Variants in GALNT11 observed in about 807,000 individuals in gnomAD.
The protein encoded by GALNT11 is UDP-GalNAc:polypeptide N-acetylgalactosaminyltransferase 11.
In GALNT11, 47 loss-of-function variants were observed where a neutral mutation model predicts 72.7. The ratio of observed to expected loss-of-function variants is 0.65; its 90% CI spans 0.51 to 0.82. The LOEUF is 0.82. Among genes scored for constraint, GALNT11 ranks in the 40% least tolerant of loss-of-function variants. The pLI, the probability that GALNT11 is intolerant of heterozygous loss-of-function variation, is 0.00. For missense variants in GALNT11, 677 were observed against 778.4 expected (o/e 0.87, Z 1.55); for synonymous variants, 270 against 286.6 (o/e 0.94, Z 0.58).
intron 1 of GALNT11, among the ~76,000 whole-genome samples, chr7:152,073,991 A>T (rs1563057620): frequency 1.3e-5 from 2 of 150,688 alleles, no homozygotes; most frequent in Non-Finnish European, 3.0e-5. Flanking sequence ...TTTAAATCTG[A>T]TTTTTTTTTC....
intron 1 of GALNT11, among the ~76,000 whole-genome samples, chr7:152,059,299 A>C (rs915638116): frequency 6.7e-6 from 1 of 150,326 alleles, no homozygotes; most frequent in Non-Finnish European, 1.5e-5. Context: ...ATTGGGTCTC[A>C]CTCTGTTGTC....
intron 1 of GALNT11, among the ~76,000 whole-genome samples, chr7:152,033,838 C>T (rs369821625): frequency 6.6e-6 from 1 of 152,162 alleles, no homozygotes; most frequent in African/African-American, 2.4e-5. Context: ...TGTCATTCTG[C>T]CATTTACTTG....
chr7:152,047,611 T>TATGAG lies in GALNT11; in HGVS notation c.-39+21727_-39+21728insATGAG. ...ACTTGGGAGGCTGAGGTATGAGGAT[T>TATGAG]GCTTGAGCCCAGGAGGTTGAGGCTG... On this transcript the variant is annotated intron_variant, in intron 1 of 11. Transcript: ENST00000430044. 4.6e-5 allele frequency among the ~76,000 whole-genome samples: 7 copies of TATGAG among 152,104 alleles called. 2 individuals carry two copies. Among genetic ancestry groups the TATGAG allele is most frequent in the Admixed American group, 4.6e-4 (7 of 15,274 alleles).
At chr7:152,046,723 G>A (rs1251770427) in intron 1 of GALNT11, among the ~76,000 whole-genome samples, 1 of 152,082 alleles carries the variant, frequency 6.6e-6, no homozygotes, top group African/African-American at 2.4e-5. Context: ...ACAGGTTGTT[G>A]GGTCTGCTTT....
chr7:152,081,029 C>G (rs951738301), intron 1 of GALNT11, among the ~76,000 whole-genome samples: 1 of 152,040 alleles, frequency 6.6e-6, no homozygotes, highest in Non-Finnish European at 1.5e-5. Context: ...CTGAATGGAG[C>G]CTTGCCTGTA....
chr7:152,056,776 C>G (rs926767177), intron 1 of GALNT11, among the ~76,000 whole-genome samples: 11 of 151,932 alleles, frequency 7.2e-5, no homozygotes, highest in Admixed American at 1.3e-4. Flanking sequence ...AATATGCATA[C>G]AGAACCCTGC....
intron 1 of GALNT11, among the ~76,000 whole-genome samples, chr7:152,071,009 A>T (rs769272962): frequency 6.6e-6 from 1 of 152,132 alleles, no homozygotes; most frequent in Non-Finnish European, 1.5e-5. Flanking sequence ...GGTCACAGAC[A>T]TCAAGTACTT....
At chr7:152,116,910 C>T (rs2088916933) in intron 8 of GALNT11, 2 of 636,174 alleles carry the variant, frequency 3.1e-6, no homozygotes, top group Non-Finnish European at 5.8e-6. Context: ...ACAGACACAG[C>T]CCACACACGC....
intron 1 of GALNT11, among the ~76,000 whole-genome samples, chr7:152,057,002 C>G (rs917925635): frequency 1.7e-5 from 2 of 117,494 alleles, no homozygotes; most frequent in South Asian, 5.9e-4. Flanking sequence ...GCATGCCCAG[C>G]TATTTTTTTT....
At chr7:152,083,910 G>A (rs1017805647) in intron 1 of GALNT11, among the ~76,000 whole-genome samples, 2 of 152,058 alleles carry the variant, frequency 1.3e-5, no homozygotes, top group Admixed American at 6.5e-5. Flanking sequence ...TGTTTTAGAC[G>A]TTTATTGTTA....
rs189846593 is a variant in GALNT11, at chr7:152,034,931, C to T, written c.-39+9047C>T. ...TTAGTGGCCCTTACTGATGCATTCTCGAAAACCTGTTAGGGTCCTAAGCAT... is the reference window on the plus strand; with the variant it reads ...TTAGTGGCCCTTACTGATGCATTCTTGAAAACCTGTTAGGGTCCTAAGCAT... On this transcript the variant is annotated intron_variant, in intron 1 of 11. Transcript: ENST00000430044. Among the ~76,000 whole-genome samples the T allele has an allele frequency of 5.5e-4, 84 of 152,160 alleles. 1 individual carries two copies. The highest frequency in any genetic ancestry group is 2.9e-3 in the Admixed American group (44 of 15,276).
chr7:152,089,678 A>G (rs188311629), intron 1 of GALNT11, among the ~76,000 whole-genome samples: 26 of 152,368 alleles, frequency 1.7e-4, no homozygotes, highest in African/African-American at 5.8e-4. Context: ...CATGTCCAGC[A>G]CAAATATTTT....
chr7:152,109,156 A>C (rs1024946938), intron 6 of GALNT11, among the ~76,000 whole-genome samples: 13 of 152,236 alleles, frequency 8.5e-5, no homozygotes. Flanking sequence ...TGTAGGCTCT[A>C]TCCGGGATTG....
intron 1 of GALNT11, among the ~76,000 whole-genome samples, chr7:152,073,548 G>C (rs1205159972): frequency 2.0e-5 from 3 of 152,102 alleles, no homozygotes; most frequent in African/African-American, 7.2e-5. Flanking sequence ...TTTATCTGTT[G>C]GACACCCAGA....
At chr7:152,113,176 T>C (rs994114987) in intron 7 of GALNT11, 70 bp from the exon 8 acceptor site, 6 of 1,482,610 alleles carry the variant, frequency 4.0e-6, no homozygotes, top group Admixed American at 4.6e-5. Context: ...ATTAATTTCA[T>C]TGAAAATTCA....
chr7:152,075,930 C>T (rs1246657519), intron 1 of GALNT11, among the ~76,000 whole-genome samples: 4 of 151,732 alleles, frequency 2.6e-5, no homozygotes, highest in Non-Finnish European at 5.9e-5. Flanking sequence ...GCCGTGGTGG[C>T]GGACTCCTGT....
At chr7:152,031,885 G>A (rs567641188) in intron 1 of GALNT11, among the ~76,000 whole-genome samples, 3 of 152,182 alleles carry the variant, frequency 2.0e-5, no homozygotes, top group South Asian at 4.1e-4. Context: ...CTCTATCTGG[G>A]GATCCATAGT....
At chr7:152,089,333 A>G (rs2085856066) in intron 1 of GALNT11, among the ~76,000 whole-genome samples, 1 of 152,230 alleles carries the variant, frequency 6.6e-6, no homozygotes, top group Non-Finnish European at 1.5e-5. Context: ...CCCTGGTGCC[A>G]TAAAGAAATA....
At chr7:152,104,621 ATTTGAGGTGGTTT>A (rs2087326820) in intron 4 of GALNT11, 1 of 152,164 alleles carries the variant, frequency 6.6e-6, no homozygotes, top group South Asian at 2.1e-4. Flanking sequence ...AAAATTCATA[ATTTGAGGTGGTTT>A]GTATATTAAC....
Sources: gnomAD v4.1 joint callset for allele counts (sites outside exome capture counted in the v4.1 genomes callset) on GRCh38, gnomAD v4.1.1 for gene constraint, MANE v1.5 for transcripts, NCBI Gene and HGNC (gene_info 2026-07-23, HGNC 2026-07-21) for gene names.